The following SORCS2 variants were observed in gnomAD, a reference collection of about 807,000 sequenced individuals.
SORCS2 encodes the protein sortilin related VPS10 domain containing receptor 2.
A neutral mutation model predicts 141.6 loss-of-function variants in SORCS2; 100 were observed. The ratio of observed to expected loss-of-function variants is 0.71; its 90% CI spans 0.60 to 0.83. The LOEUF (loss-of-function observed/expected upper bound fraction) is 0.83. SORCS2 is among the 40% of genes least tolerant of loss of function. The probability of loss-of-function intolerance (pLI) is 0.00; values close to 1 mark genes in which losing one functional copy is unlikely to be tolerated. For missense variants in SORCS2, 1,646 were observed against 1,560.2 expected, an observed-to-expected ratio of 1.05 and a Z score of -0.93; for synonymous variants, 789 against 676.9, an observed-to-expected ratio of 1.17 and a Z score of -2.57.
chr4:7,477,309 A>G (rs112221413), intron 2 of SORCS2, among the ~76,000 whole-genome samples: 34 of 109,562 alleles, frequency 3.1e-4, no homozygotes, highest in South Asian at 8.9e-4. Flanking sequence ...GGTCTGACTG[A>G]GGATGACCAT....
chr4:7,725,281 C>G lies in SORCS2; in HGVS notation c.2739C>G (p.Ser913Arg), dbSNP rs767372487. ...TCTTCTACTGGTGGATCGGCCACAG[C>G]CTGCAGGTGCGCTGGCTTTGCCCCA... ...LTVFYWWIGH[S>R]LQPLLSLDNS... The change falls in exon 20 of 27, where the codon AGC becomes AGG. Residue 913 changes from serine (S) to arginine (R), a missense_variant. Transcript: ENST00000507866. The G allele has an allele frequency of 6.2e-7, 1 of 1,612,720 alleles. No individual in the cohort carries two copies. The highest frequency in any genetic ancestry group is 8.5e-7 in the Non-Finnish European group (1 of 1,179,330).
At position 7,200,209 on chromosome 4, in the gene SORCS2, C is replaced by T. The variant is rs1002246562; in HGVS notation, c.480+7083C>T. ...GGGAAGCGGGACCACCAGGGGCCGA[C>T]TGAGGGGTCCAGAGTTGTGGTTGTG... On this transcript the variant is annotated intron_variant, in intron 1 of 26. Transcript: ENST00000507866. Among the ~76,000 whole-genome samples the T allele has an allele frequency of 4.6e-5, 7 of 152,172 alleles. No homozygotes were observed. In the South Asian group the frequency reaches 1.5e-3, roughly 32 times the overall value.
intron 3 of SORCS2, among the ~76,000 whole-genome samples, chr4:7,607,097 C>G (rs895545196): frequency 6.6e-6 from 1 of 152,228 alleles, no homozygotes; most frequent in African/African-American, 2.4e-5. Flanking sequence ...ACATAAAACC[C>G]TGATGATGGA....
At chr4:7,406,366 G>A (rs897176770) in intron 2 of SORCS2, among the ~76,000 whole-genome samples, 1 of 46,408 alleles carries the variant, frequency 2.2e-5, no homozygotes, top group Non-Finnish European at 4.7e-5. Flanking sequence ...TTGGATCCTA[G>A]GCTTTTTTTT....
At chr4:7,518,925 C>G (rs1167214378) in intron 2 of SORCS2, among the ~76,000 whole-genome samples, 4 of 152,188 alleles carry the variant, frequency 2.6e-5, no homozygotes, top group African/African-American at 9.7e-5. Context: ...AGTACAGCTT[C>G]AGCCTCGCAC....
intron 1 of SORCS2, among the ~76,000 whole-genome samples, chr4:7,239,883 G>A (rs1486624669): frequency 1.3e-5 from 2 of 152,206 alleles, no homozygotes; most frequent in Non-Finnish European, 1.5e-5. Context: ...CTTCATCTTT[G>A]TTGAAACTGC....
At chr4:7,249,274 T>A (rs1577320680) in intron 1 of SORCS2, among the ~76,000 whole-genome samples, 1 of 152,192 alleles carries the variant, frequency 6.6e-6, no homozygotes, top group East Asian at 1.9e-4. Context: ...AGCTTGGGAC[T>A]GGCTGGTGTC....
At chr4:7,424,477 C>T (rs866309292) in intron 2 of SORCS2, among the ~76,000 whole-genome samples, 5 of 152,196 alleles carry the variant, frequency 3.3e-5, no homozygotes, top group African/African-American at 4.8e-5. Flanking sequence ...CTATAAAATC[C>T]GGGTCCACAC....
chr4:7,650,816 C>T (rs1417814071), intron 4 of SORCS2, among the ~76,000 whole-genome samples: 1 of 150,972 alleles, frequency 6.6e-6, no homozygotes, highest in Non-Finnish European at 1.5e-5. Flanking sequence ...GCGGCGCCAG[C>T]GACCTCTCCT....
intron 3 of SORCS2, among the ~76,000 whole-genome samples, chr4:7,609,352 A>T (rs1311445582): frequency 6.6e-6 from 1 of 152,164 alleles, no homozygotes; most frequent in African/African-American, 2.4e-5. Flanking sequence ...TCTCTTCCTC[A>T]TAGCTCCGTG....
At chr4:7,639,930 A>C (rs1560447567) in intron 4 of SORCS2, among the ~76,000 whole-genome samples, 3 of 47,248 alleles carry the variant, frequency 6.3e-5, no homozygotes, top group Non-Finnish European at 1.6e-4. Context: ...TGTTTGTGAG[A>C]ATATGTCTGT....
At chr4:7,229,558 G>A (rs943793101) in intron 1 of SORCS2, among the ~76,000 whole-genome samples, 1 of 152,226 alleles carries the variant, frequency 6.6e-6, no homozygotes, top group African/African-American at 2.4e-5. Flanking sequence ...TCCGGAGCTT[G>A]CCTGGAATCC....
chr4:7,672,843 G>T (rs1485630909), intron 8 of SORCS2, among the ~76,000 whole-genome samples: 3 of 152,210 alleles, frequency 2.0e-5, no homozygotes, highest in African/African-American at 7.2e-5. Context: ...CCAGTGAGAT[G>T]CTAGTGGAAT....
At chr4:7,604,534 G>A (rs950753142) in intron 3 of SORCS2, among the ~76,000 whole-genome samples, 5 of 152,200 alleles carry the variant, frequency 3.3e-5, no homozygotes, top group Non-Finnish European at 5.9e-5. Flanking sequence ...AGCCAGGATG[G>A]TCTCCATCCC....
At chr4:7,209,990 G>T (rs1577278455) in intron 1 of SORCS2, among the ~76,000 whole-genome samples, 1 of 152,382 alleles carries the variant, frequency 6.6e-6, no homozygotes, top group East Asian at 1.9e-4. Flanking sequence ...TGAGGTTACA[G>T]CCCTCTGGGA....
Position 7,718,068 on chromosome 4 carries a change from A to G in SORCS2, c.2309A>G (p.Gln770Arg), listed in dbSNP as rs200299721. The G allele has an allele frequency of 1.9e-4, 303 of 1,611,478 alleles. No individual in the cohort carries two copies. In the African/African-American group the frequency reaches 3.7e-3, roughly 20 times the overall value. The change falls in exon 18 of 27, where the codon CAG becomes CGG. Residue 770 changes from glutamine to arginine, a missense_variant. Transcript: ENST00000507866. The stretch of plus-strand genomic sequence containing the variant: ...GGTGGGGTGGACATGCAGCAGAGTC[A>G]GGTGCAGCTGCAGTGCCCCCTCACG... ...CEGGVDMQQS[Q>R]VQLQCPLTPP...
intron 1 of SORCS2, among the ~76,000 whole-genome samples, chr4:7,235,660 C>G (rs1431429475): frequency 3.3e-5 from 5 of 152,202 alleles, no homozygotes; most frequent in Non-Finnish European, 7.3e-5. Flanking sequence ...GGGGCCCATT[C>G]TGGCTGTTTG....
chr4:7,727,375 A>C (rs966985397), intron 21 of SORCS2, among the ~76,000 whole-genome samples: 3 of 152,082 alleles, frequency 2.0e-5, no homozygotes, highest in Non-Finnish European at 4.4e-5. Flanking sequence ...GGGGGCTCTT[A>C]GTCCCTCGTG....
intron 1 of SORCS2, among the ~76,000 whole-genome samples, chr4:7,383,981 T>C (rs113665063): frequency 4.3e-4 from 65 of 152,370 alleles, no homozygotes; most frequent in African/African-American, 1.5e-3. Flanking sequence ...CACCCGTCCA[T>C]TTATTTGCTG....
Sources: gnomAD v4.1 joint callset for allele counts (sites outside exome capture counted in the v4.1 genomes callset) on GRCh38, gnomAD v4.1.1 for gene constraint, MANE v1.5 for transcripts, NCBI Gene and HGNC (gene_info 2026-07-23, HGNC 2026-07-21) for gene names.